NEBL: variants seen among roughly 807,000 people sequenced by gnomAD.
The protein encoded by NEBL is LIM and SH3 protein 2.
A neutral mutation model predicts 140.2 loss-of-function variants in NEBL; 122 were observed. That is an observed-to-expected ratio of 0.87 (90% CI 0.75 to 1.01). The LOEUF is 1.01. NEBL is among the 50% of genes least tolerant of loss of function. NEBL has a pLI of 0.00. For missense variants in NEBL, 1,365 were observed against 1,231.3 expected, an observed-to-expected ratio of 1.11 and a Z score of -1.62; for synonymous variants, 436 against 398.9, an observed-to-expected ratio of 1.09 and a Z score of -1.11.
chr10:20,820,510 A>C (rs1038553980), intron 19 of NEBL, among the ~76,000 whole-genome samples: 3 of 152,234 alleles, frequency 2.0e-5, no homozygotes, highest in African/African-American at 7.2e-5. Context: ...AATCCCCACA[A>C]GACCTGCAGG....
intron 2 of NEBL, among the ~76,000 whole-genome samples, chr10:21,063,426 A>T (rs566264529): frequency 2.6e-5 from 4 of 152,340 alleles, no homozygotes; most frequent in African/African-American, 7.2e-5. Context: ...TCACATTCGA[A>T]CAGTTAGTCA....
intron 3 of NEBL, among the ~76,000 whole-genome samples, chr10:21,185,791 C>G (rs770545641): frequency 6.6e-6 from 1 of 152,192 alleles, no homozygotes; most frequent in Non-Finnish European, 1.5e-5. Context: ...ACCCACTGCG[C>G]CCTACCTCTT....
chr10:21,202,653 G>A (rs1841759145), intron 3 of NEBL, among the ~76,000 whole-genome samples: 1 of 151,408 alleles, frequency 6.6e-6, no homozygotes, highest in Admixed American at 6.6e-5. Flanking sequence ...TAGTAGAGAC[G>A]GGGTTTCACT....
intron 4 of NEBL, among the ~76,000 whole-genome samples, chr10:20,945,335 T>C (rs1042413728): frequency 6.6e-5 from 10 of 152,176 alleles, no homozygotes; most frequent in Admixed American, 2.0e-4. Flanking sequence ...TTAACACACT[T>C]ACCAGGCTAC....
At chr10:21,043,726 G>A (rs967240165) in intron 2 of NEBL, among the ~76,000 whole-genome samples, 1 of 151,936 alleles carries the variant, frequency 6.6e-6, no homozygotes, top group African/African-American at 2.4e-5. Flanking sequence ...AAACAATTGA[G>A]GTCTCTCAAA....
intron 4 of NEBL, among the ~76,000 whole-genome samples, chr10:20,922,772 C>G (rs1398877586): frequency 1.3e-5 from 2 of 152,206 alleles, no homozygotes; most frequent in South Asian, 4.1e-4. Flanking sequence ...CCATCCCATC[C>G]CTTCCGTTGC....
At chr10:20,814,370 A>G (rs1027800830) in intron 22 of NEBL, among the ~76,000 whole-genome samples, 7 of 151,970 alleles carry the variant, frequency 4.6e-5, no homozygotes, top group Admixed American at 2.0e-4. Context: ...CTAAGGTGGG[A>G]GGATGACTTG....
At chr10:21,098,268 T>C (rs1364932851) in intron 2 of NEBL, among the ~76,000 whole-genome samples, 1 of 152,106 alleles carries the variant, frequency 6.6e-6, no homozygotes, top group Non-Finnish European at 1.5e-5. Context: ...TCACACACAC[T>C]GTCACACAGA....
At chr10:20,943,241 A>G (rs1650392308) in intron 4 of NEBL, among the ~76,000 whole-genome samples, 1 of 152,262 alleles carries the variant, frequency 6.6e-6, no homozygotes, top group Non-Finnish European at 1.5e-5. Flanking sequence ...CATATACACC[A>G]TGGAATACTA....
chr10:21,074,676 C>T (rs1835982316), intron 2 of NEBL, among the ~76,000 whole-genome samples: 1 of 152,018 alleles, frequency 6.6e-6, no homozygotes, highest in Non-Finnish European at 1.5e-5. Context: ...GACGGGGTTT[C>T]ACTGTGTTAG....
chr10:20,857,310 C>T (rs1262394747), intron 9 of NEBL, among the ~76,000 whole-genome samples: 2 of 152,110 alleles, frequency 1.3e-5, no homozygotes, highest in East Asian at 3.9e-4. Flanking sequence ...CCTTATTTAA[C>T]TGTCTGGAAA....
At chr10:20,909,057 G>A (rs931965762) in intron 4 of NEBL, among the ~76,000 whole-genome samples, 1 of 151,998 alleles carries the variant, frequency 6.6e-6, no homozygotes, top group South Asian at 2.1e-4. Flanking sequence ...TGGGGTACAT[G>A]AAATGTTTTG....
At chr10:20,805,037 G>A (rs538169614) in intron 26 of NEBL, among the ~76,000 whole-genome samples, 55 of 152,258 alleles carry the variant, frequency 3.6e-4, no homozygotes, top group African/African-American at 1.3e-3. Context: ...AATGGAGGTA[G>A]GGCCAAGCAC....
At chr10:20,798,991 C>T (rs192135215) in intron 26 of NEBL, among the ~76,000 whole-genome samples, 11 of 152,042 alleles carry the variant, frequency 7.2e-5, no homozygotes, top group African/African-American at 2.4e-4. Context: ...TTCTTAGGGA[C>T]GTAACAGAAT....
At chr10:20,961,823 A>G (rs1347774494) in intron 3 of NEBL, 1 of 1,461,244 alleles carries the variant, frequency 6.8e-7, no homozygotes, top group South Asian at 1.1e-5. Flanking sequence ...GGGATCACGA[A>G]TCCCACTCGG....
At chr10:21,089,720 G>A (rs1425337786) in intron 2 of NEBL, among the ~76,000 whole-genome samples, 3 of 152,150 alleles carry the variant, frequency 2.0e-5, no homozygotes, top group Non-Finnish European at 4.4e-5. Context: ...ACTCACCAAT[G>A]TGCTTCAACA....
chr10:21,068,476 A>G (rs1589198216), intron 2 of NEBL, among the ~76,000 whole-genome samples: 1 of 152,186 alleles, frequency 6.6e-6, no homozygotes, highest in Non-Finnish European at 1.5e-5. Context: ...CAATCAAACT[A>G]TGGGGGGAGG....
At chr10:20,846,245 T>C (rs1841927640) in intron 11 of NEBL, among the ~76,000 whole-genome samples, 1 of 152,128 alleles carries the variant, frequency 6.6e-6, no homozygotes, top group Non-Finnish European at 1.5e-5. Context: ...AGGGCCCAGA[T>C]TTTACCAGCC....
upstream of NEBL, chr10:20,899,401 T>C (rs1331006651): frequency 3.1e-6 from 4 of 1,304,044 alleles, no homozygotes; most frequent in Non-Finnish European, 4.0e-6. Flanking sequence ...GCAGTGCAGT[T>C]ATTTCTCATT....
Sources: allele counts gnomAD v4.1 joint callset (sites outside exome capture counted in the v4.1 genomes callset), GRCh38; gene constraint gnomAD v4.1.1; transcripts MANE v1.5; gene names NCBI Gene and HGNC (gene_info 2026-07-23, HGNC 2026-07-21).